GAS7: variants seen among roughly 807,000 people sequenced by gnomAD.
The protein encoded by GAS7 is growth arrest-specific protein 7.
In GAS7, 28 loss-of-function variants were observed where a neutral mutation model predicts 71.1. That is an observed-to-expected ratio of 0.39 (90% CI 0.29 to 0.54). The LOEUF (loss-of-function observed/expected upper bound fraction) is 0.54. Ranked by LOEUF, GAS7 falls within the 20% of genes least tolerant of loss-of-function variation. The pLI, the probability that GAS7 is intolerant of heterozygous loss-of-function variation, is 0.62. For synonymous variants in GAS7, 258 were observed against 245.8 expected, an observed-to-expected ratio of 1.05 and a Z score of -0.46; for missense variants, 436 against 627.8, an observed-to-expected ratio of 0.69 and a Z score of 3.27.
chr17:10,175,003 G>A (rs965998962), intron 1 of GAS7, among the ~76,000 whole-genome samples: 5 of 151,978 alleles, frequency 3.3e-5, no homozygotes, highest in Admixed American at 6.6e-5. Flanking sequence ...ATGCCACCAC[G>A]CCTGGCTAAT....
intron 1 of GAS7, among the ~76,000 whole-genome samples, chr17:10,144,393 G>A (rs533045702): frequency 1.3e-5 from 2 of 152,306 alleles, no homozygotes; most frequent in African/African-American, 2.4e-5. Flanking sequence ...GAGCAGGACA[G>A]GCCCCAAGAG....
At chr17:10,133,084 C>CT (rs1166437433) in intron 1 of GAS7, among the ~76,000 whole-genome samples, 1 of 148,956 alleles carries the variant, frequency 6.7e-6, no homozygotes, top group East Asian at 2.0e-4. Flanking sequence ...GTCCTGTCTA[C>CT]TTTTTTCAAA....
intron 1 of GAS7, among the ~76,000 whole-genome samples, chr17:10,108,239 G>C (rs904969763): frequency 6.6e-6 from 1 of 152,206 alleles, no homozygotes; most frequent in Admixed American, 6.5e-5. Flanking sequence ...CCTCCACCTG[G>C]CAACCTTCAT....
intron 1 of GAS7, among the ~76,000 whole-genome samples, chr17:10,028,451 G>A (rs2072526820): frequency 6.6e-6 from 1 of 152,084 alleles, no homozygotes; most frequent in African/African-American, 2.4e-5. Flanking sequence ...GGAAGGGGGA[G>A]GCAAGATAAT....
rs531007947 is a variant in GAS7 at position 10,102,775 on chromosome 17, C to T, written c.184-82878G>A. Reference sequence around the variant, plus strand: ...TGTTTTTTTTTTTTGGTTTGGTTTCCGGGTCTTTATGTTCCCCAGATAATT... The same window carrying T: ...TGTTTTTTTTTTTTGGTTTGGTTTCTGGGTCTTTATGTTCCCCAGATAATT... On this transcript the variant is annotated intron_variant, in intron 1 of 13. Transcript: ENST00000432992. Among the ~76,000 whole-genome samples, 91 of 151,460 alleles carry T rather than the reference C, an allele frequency of 6.0e-4. No individual in the cohort carries two copies. The South Asian group carries it at 6.0e-3, about 10-fold the overall frequency.
chr17:9,990,822 C>T (rs536495918), intron 2 of GAS7, among the ~76,000 whole-genome samples: 1 of 152,286 alleles, frequency 6.6e-6, no homozygotes, highest in East Asian at 1.9e-4. Context: ...TTATCTGGAA[C>T]CTGCTGGGTG....
chr17:10,046,272 G>A (rs1456338164), intron 1 of GAS7, among the ~76,000 whole-genome samples: 1 of 152,044 alleles, frequency 6.6e-6, no homozygotes, highest in Non-Finnish European at 1.5e-5. Flanking sequence ...GGACTTCCCT[G>A]TAAGAAGCAT....
chr17:10,029,618 C>T (rs1407682048), intron 1 of GAS7, among the ~76,000 whole-genome samples: 1 of 152,034 alleles, frequency 6.6e-6, no homozygotes, highest in Non-Finnish European at 1.5e-5. Context: ...TTTTGGGAGT[C>T]CAAGGTAGGG....
chr17:10,176,047 C>T (rs905082272), intron 1 of GAS7, among the ~76,000 whole-genome samples: 2 of 152,184 alleles, frequency 1.3e-5, no homozygotes, highest in Non-Finnish European at 2.9e-5. Flanking sequence ...TGAGTCCTGT[C>T]CACTCCATCT....
At position 9,914,879 on chromosome 17, in the gene GAS7, G is replaced by C. The variant is rs1445259130; in HGVS notation, c.*2349C>G. 2.6e-5 allele frequency: 6 copies of C among 231,590 alleles called. No homozygotes were observed. Among genetic ancestry groups the C allele is most frequent in the Non-Finnish European group, 4.3e-5 (5 of 117,096 alleles). 14.3% of individuals were successfully genotyped at this position (231,590 alleles called of 1,614,324 possible). A position where few individuals can be genotyped will look rare whatever the true frequency, so the allele number is the denominator to read the frequency against. On this transcript the variant is annotated 3_prime_UTR_variant, in exon 14 of 14. Coordinates refer to ENST00000432992, the MANE Select transcript of GAS7 (RefSeq NM_201433.2). ...TAATCAGAACAACAGACTTACCTCTGAAAACTTAAATTCTGTAGAGTGCCT... is the reference window on the plus strand; with the variant it reads ...TAATCAGAACAACAGACTTACCTCTCAAAACTTAAATTCTGTAGAGTGCCT...
At chr17:9,939,647 T>C (rs2068527251) in intron 8 of GAS7, among the ~76,000 whole-genome samples, 1 of 151,708 alleles carries the variant, frequency 6.6e-6, no homozygotes, top group African/African-American at 2.4e-5. Context: ...TCTCGCTCTG[T>C]CGCCCAGGCT....
rs549513430 is a variant in GAS7, at chr17:10,110,705, C to G, written c.183+87503G>C. Reference sequence around the variant, plus strand: ...CAGGCTGGTCTCGAACTCCTGACCTCAAGTGATCTGCCCGCCTCAGCCTCC... The same window carrying G: ...CAGGCTGGTCTCGAACTCCTGACCTGAAGTGATCTGCCCGCCTCAGCCTCC... On this transcript the variant is annotated intron_variant, in intron 1 of 13. Coordinates refer to ENST00000432992, the MANE Select transcript of GAS7 (RefSeq NM_201433.2). 2.0e-5 allele frequency among the ~76,000 whole-genome samples: 3 copies of G among 152,250 alleles called. No individual in the cohort carries two copies. The South Asian group carries it at 6.2e-4, about 32-fold the overall frequency.
intron 1 of GAS7, among the ~76,000 whole-genome samples, chr17:10,072,695 G>A (rs1473397377): frequency 6.6e-6 from 1 of 152,142 alleles, no homozygotes; most frequent in African/African-American, 2.4e-5. Context: ...CGATCCACAG[G>A]AGTCAATATA....
chr17:9,927,454 T>C (rs986013713), intron 9 of GAS7, among the ~76,000 whole-genome samples: 1 of 150,764 alleles, frequency 6.6e-6, no homozygotes, highest in African/African-American at 2.4e-5. Context: ...CACTTCAGCC[T>C]GGGTGACAGA....
At chr17:10,047,598 C>T (rs956602136) in intron 1 of GAS7, among the ~76,000 whole-genome samples, 4 of 151,944 alleles carry the variant, frequency 2.6e-5, no homozygotes, top group African/African-American at 9.7e-5. Flanking sequence ...GAAAATCATT[C>T]AGAAGAAAAA....
rs560206355 is a variant in GAS7 at position 10,035,614 on chromosome 17, G to C, written c.184-15717C>G. Among the ~76,000 whole-genome samples the C allele has an allele frequency of 1.3e-4, 20 of 152,270 alleles. No homozygotes were observed. The South Asian group carries it at 4.1e-3, about 32-fold the overall frequency. On this transcript the variant is annotated intron_variant, in intron 1 of 13. Transcript: ENST00000432992. The stretch of plus-strand genomic sequence containing the variant: ...TGGAGGGAGACCATGTACCAAAACA[G>C]GCCAGCCTTTCCATGCAACCTGGAC...
chr17:10,095,618 G>A (rs1368897545), intron 1 of GAS7, among the ~76,000 whole-genome samples: 3 of 151,936 alleles, frequency 2.0e-5, no homozygotes, highest in Admixed American at 6.6e-5. Context: ...TCAGGAGATC[G>A]AGACCATCCT....
chr17:10,086,477 T>C (rs1455203470), intron 1 of GAS7, among the ~76,000 whole-genome samples: 5 of 152,158 alleles, frequency 3.3e-5, no homozygotes, highest in Non-Finnish European at 7.3e-5. Flanking sequence ...TACCGAACCA[T>C]TGTTAAGGAA....
chr17:10,172,359 G>T (rs1012489542), intron 1 of GAS7, among the ~76,000 whole-genome samples: 1 of 152,112 alleles, frequency 6.6e-6, no homozygotes, highest in Non-Finnish European at 1.5e-5. Flanking sequence ...TTCCCCAGGG[G>T]GCAGCCAATC....
Sources: allele counts gnomAD v4.1 joint callset (sites outside exome capture counted in the v4.1 genomes callset), GRCh38; gene constraint gnomAD v4.1.1; transcripts MANE v1.5; gene names NCBI Gene and HGNC (gene_info 2026-07-23, HGNC 2026-07-21).